WWTR1: variants seen among roughly 807,000 people sequenced by gnomAD.
The protein encoded by WWTR1 is WW domain containing transcription regulator 1, also known as WW domain-containing transcription regulator protein 1.
In WWTR1, 13 loss-of-function variants were observed where a neutral mutation model predicts 40.1. The observed-to-expected ratio is 0.32, with a 90% CI of 0.21 to 0.52. WWTR1 has a LOEUF of 0.52. Among genes scored for constraint, WWTR1 ranks in the 20% least tolerant of loss-of-function variants. WWTR1 has a pLI of 0.97. For missense variants in WWTR1, 436 were observed against 523.1 expected (o/e 0.83, Z 1.63); for synonymous variants, 230 against 210.1 (o/e 1.09, Z -0.82).
chr3:149,720,300 G>C (rs1199804517), intron 4 of WWTR1, among the ~76,000 whole-genome samples: 2 of 152,050 alleles, frequency 1.3e-5, no homozygotes, highest in Non-Finnish European at 2.9e-5. Flanking sequence ...TATGCGTATG[G>C]TATTAGGTAA....
In WWTR1 at chr3:149,650,924, C is replaced by T. The variant is rs139253925; in HGVS notation, c.431+5952G>A. 9.2e-4 allele frequency among the ~76,000 whole-genome samples: 140 copies of T among 152,342 alleles called. 1 individual carries two copies. The highest frequency in any genetic ancestry group is 1.4e-3 in the Admixed American group (22 of 15,306). On this transcript the variant is annotated intron_variant, in intron 2 of 6. Coordinates refer to ENST00000360632, the MANE Select transcript of WWTR1 (RefSeq NM_015472.6). ...GCTGTAATCCAGAGTCAAAAATCAC[C>T]TGACCCCTATTGCCAAGGTTTCTGC...
chr3:149,541,297 G>A (rs909270522), intron 4 of WWTR1, among the ~76,000 whole-genome samples: 50 of 152,212 alleles, frequency 3.3e-4, no homozygotes, highest in African/African-American at 1.2e-3. Flanking sequence ...AACAGGGAGA[G>A]CACTGTGGGT....
chr3:149,554,673 T>C (rs1239224357), intron 3 of WWTR1, among the ~76,000 whole-genome samples: 3 of 151,344 alleles, frequency 2.0e-5, no homozygotes, highest in African/African-American at 7.3e-5. Context: ...CACATCTTTC[T>C]GGCAGGCTGA....
intron 2 of WWTR1, among the ~76,000 whole-genome samples, chr3:149,594,468 C>A (rs1053150344): frequency 6.6e-6 from 1 of 151,956 alleles, no homozygotes; most frequent in Non-Finnish European, 1.5e-5. Flanking sequence ...TTGCTTCTAT[C>A]CTGATAAGAT....
chr3:149,617,288 G>A (rs1286912632), intron 2 of WWTR1, among the ~76,000 whole-genome samples: 1 of 152,126 alleles, frequency 6.6e-6, no homozygotes, highest in Non-Finnish European at 1.5e-5. Flanking sequence ...CAATTGGATT[G>A]GAGCAGTGTG....
intron 2 of WWTR1, among the ~76,000 whole-genome samples, chr3:149,617,423 G>A (rs902863145): frequency 5.9e-5 from 9 of 152,138 alleles, no homozygotes; most frequent in African/African-American, 2.2e-4. Flanking sequence ...AACCACTAGA[G>A]GCTTATGGCT....
chr3:149,614,945 T>C (rs552722196), intron 2 of WWTR1, among the ~76,000 whole-genome samples: 31 of 152,046 alleles, frequency 2.0e-4, no homozygotes, highest in African/African-American at 7.2e-4. Context: ...ATGGCGCCAT[T>C]GTACTCCAGC....
intron 1 of WWTR1, among the ~76,000 whole-genome samples, chr3:149,683,689 G>A (rs1186525977): frequency 6.6e-6 from 1 of 152,006 alleles, no homozygotes; most frequent in African/African-American, 2.4e-5. Flanking sequence ...ACAAGATTCT[G>A]CCTTTAAAAA....
chr3:149,580,862 T>G (rs1738124109), intron 2 of WWTR1, among the ~76,000 whole-genome samples: 1 of 152,192 alleles, frequency 6.6e-6, no homozygotes, highest in Non-Finnish European at 1.5e-5. Flanking sequence ...TCCACCCGCC[T>G]CAGGCTCCCA....
chr3:149,583,834 C>T (rs189428117), intron 2 of WWTR1, among the ~76,000 whole-genome samples: 73 of 152,224 alleles, frequency 4.8e-4, no homozygotes, highest in Middle Eastern at 3.4e-3. Flanking sequence ...AGTGAAACAA[C>T]GAGCAGTATG....
intron 2 of WWTR1, among the ~76,000 whole-genome samples, chr3:149,603,502 G>C (rs1219080098): frequency 6.6e-6 from 1 of 151,272 alleles, no homozygotes; most frequent in Non-Finnish European, 1.5e-5. Flanking sequence ...CAATTCAAAA[G>C]ACAGTTTCTT....
intron 5 of WWTR1, among the ~76,000 whole-genome samples, chr3:149,712,071 T>C (rs1295446958): frequency 2.0e-5 from 3 of 152,232 alleles, no homozygotes; most frequent in South Asian, 4.1e-4. Flanking sequence ...ATTGTATAAA[T>C]GTCAAATGAA....
At chr3:149,582,622 T>G (rs912453689) in intron 2 of WWTR1, among the ~76,000 whole-genome samples, 1 of 151,776 alleles carries the variant, frequency 6.6e-6, no homozygotes, top group African/African-American at 2.4e-5. Flanking sequence ...TCCCAGCTTC[T>G]TGGGAGGCTG....
At chr3:149,574,024 CCTT>C (rs1405642465) in intron 2 of WWTR1, among the ~76,000 whole-genome samples, 3 of 151,878 alleles carry the variant, frequency 2.0e-5, no homozygotes, top group Non-Finnish European at 4.4e-5. Flanking sequence ...TCCTTCTCCT[CCTT>C]CTCCTTCTTT....
At chr3:149,573,937 T>C (rs1359873792) in intron 2 of WWTR1, among the ~76,000 whole-genome samples, 1 of 140,998 alleles carries the variant, frequency 7.1e-6, no homozygotes, top group Non-Finnish European at 1.5e-5. Flanking sequence ...TAGTGAAAGT[T>C]TGTGATATAT....
chr3:149,581,862 G>A (rs926854502), intron 2 of WWTR1, among the ~76,000 whole-genome samples: 1 of 152,150 alleles, frequency 6.6e-6, no homozygotes, highest in African/African-American at 2.4e-5. Flanking sequence ...GAGCACCACC[G>A]ACTTTTCTGC....
intron 4 of WWTR1, among the ~76,000 whole-genome samples, chr3:149,721,810 C>T (rs541862919): frequency 1.3e-5 from 2 of 152,182 alleles, no homozygotes; most frequent in Non-Finnish European, 2.9e-5. Context: ...ACGATCCTGT[C>T]ACTGCAGCTT....
chr3:149,710,907 T>C (rs980499129), intron 5 of WWTR1, among the ~76,000 whole-genome samples: 2 of 151,806 alleles, frequency 1.3e-5, no homozygotes, highest in African/African-American at 2.4e-5. Flanking sequence ...AAGGAAGAAA[T>C]TGAAGCATAA....
At chr3:149,558,412 T>C (rs1736939071) in intron 3 of WWTR1, among the ~76,000 whole-genome samples, 1 of 151,816 alleles carries the variant, frequency 6.6e-6, no homozygotes, top group African/African-American at 2.4e-5. Flanking sequence ...AGGGGAAGAG[T>C]TTACATGATT....
Sources: allele counts gnomAD v4.1 joint callset (sites outside exome capture counted in the v4.1 genomes callset), GRCh38; gene constraint gnomAD v4.1.1; transcripts MANE v1.5; gene names NCBI Gene and HGNC (gene_info 2026-07-23, HGNC 2026-07-21).